GRB2: variants seen among roughly 807,000 people sequenced by gnomAD.
The protein encoded by GRB2 is growth factor receptor-bound protein 2.
A neutral mutation model predicts 27.4 loss-of-function variants in GRB2; 2 were observed. That is an observed-to-expected ratio of 0.07 (90% CI 0.03 to 0.23). The LOEUF (loss-of-function observed/expected upper bound fraction) is 0.23. Ranked by LOEUF, GRB2 falls within the 10% of genes least tolerant of loss-of-function variation. The pLI is 1.00. For synonymous variants in GRB2, 94 were observed against 99.6 expected (o/e 0.94, Z 0.33); for missense variants, 102 against 282.4 (o/e 0.36, Z 4.58).
intron 2 of GRB2, among the ~76,000 whole-genome samples, chr17:75,349,357 T>C (rs1172435367): frequency 6.6e-6 from 1 of 152,140 alleles, no homozygotes; most frequent in Non-Finnish European, 1.5e-5. Context: ...AACTACTGCC[T>C]AACAGATAAG....
chr17:75,382,818 C>T (rs1346208625), intron 2 of GRB2, among the ~76,000 whole-genome samples: 1 of 152,160 alleles, frequency 6.6e-6, no homozygotes, highest in African/African-American at 2.4e-5. Context: ...ACGCCATTCT[C>T]CTGCCTCAGC....
intron 2 of GRB2, among the ~76,000 whole-genome samples, chr17:75,374,584 T>C (rs963879442): frequency 2.6e-5 from 4 of 151,316 alleles, no homozygotes; most frequent in African/African-American, 9.7e-5. Context: ...ACTAGCCGAG[T>C]GTGGTGGCAC....
intron 1 of GRB2, among the ~76,000 whole-genome samples, chr17:75,403,570 G>A (rs1050611445): frequency 6.6e-6 from 1 of 152,044 alleles, no homozygotes. Context: ...TTCGAGACCA[G>A]CCTGGCCAAC....
At position 75,343,214 on chromosome 17, in the gene GRB2, G is replaced by A. The variant is rs1382780522; in HGVS notation, c.79-10417C>T. On this transcript the variant is annotated intron_variant, in intron 2 of 5. Coordinates refer to ENST00000316804, the MANE Select transcript of GRB2 (RefSeq NM_002086.5). ...TCCCTCTCAGGATGGAGCGCTTCCT[G>A]GCAATGTGATGTCTAATTCTGATTC... 2.0e-5 allele frequency among the ~76,000 whole-genome samples: 3 copies of A among 151,978 alleles called. No individual in the cohort carries two copies. The East Asian group carries it at 5.8e-4, about 29-fold the overall frequency.
At chr17:75,393,094 G>C (rs1041162987) in intron 2 of GRB2, among the ~76,000 whole-genome samples, 3 of 152,038 alleles carry the variant, frequency 2.0e-5, no homozygotes, top group Non-Finnish European at 2.9e-5. Flanking sequence ...CTCTAAACTG[G>C]GAAAATTAAT....
intron 2 of GRB2, among the ~76,000 whole-genome samples, chr17:75,338,051 TCTCGAGTAG>T (rs71159489): frequency 0.59 from 89,702 of 150,912 alleles, 31,984 homozygotes; most frequent in East Asian, 0.86. Context: ...TGCCTCAGCC[TCTCGAGTAG>T]CTGGGATTAC....
At chr17:75,354,264 T>TTGC (rs1555610715) in intron 2 of GRB2, among the ~76,000 whole-genome samples, 10 of 38,270 alleles carry the variant, frequency 2.6e-4, no homozygotes, top group African/African-American at 8.3e-4. Flanking sequence ...TCTTTTTTTT[T>TTGC]GGGGGGGGGG....
At chr17:75,367,343 T>A (rs899909343) in intron 2 of GRB2, among the ~76,000 whole-genome samples, 1 of 152,046 alleles carries the variant, frequency 6.6e-6, no homozygotes, top group South Asian at 2.1e-4. Flanking sequence ...GCTAATTTTT[T>A]AAAAAAACTT....
chr17:75,403,313 T>C (rs2079076190), intron 1 of GRB2, among the ~76,000 whole-genome samples: 1 of 151,990 alleles, frequency 6.6e-6, no homozygotes. Context: ...TCCATTCCTC[T>C]TCTGTTGTAT....
intron 2 of GRB2, among the ~76,000 whole-genome samples, chr17:75,339,646 CT>C (rs2078607224): frequency 7.3e-6 from 1 of 136,246 alleles, no homozygotes; most frequent in Admixed American, 7.7e-5. Context: ...TTTGAGACAG[CT>C]TCAGTTTTCA....
At chr17:75,372,166 G>A (rs2078860879) in intron 2 of GRB2, 1 of 152,158 alleles carries the variant, frequency 6.6e-6, no homozygotes, top group Non-Finnish European at 1.5e-5. Context: ...GAAAGCACTA[G>A]ACTCAAGAAC....
chr17:75,401,398 T>G lies in GRB2; in HGVS notation c.-138+4091A>C, dbSNP rs547314214. On this transcript the variant is annotated intron_variant, in intron 1 of 5. Coordinates refer to ENST00000316804, the MANE Select transcript of GRB2 (RefSeq NM_002086.5). ...AAGCGGAGCTTGCAGTGAGCCGAGA[T>G]TGCGCCACTGCAGTCCGCAGTCCGG... Among the ~76,000 whole-genome samples the G allele has an allele frequency of 7.8e-3, 1,111 of 141,768 alleles. 8 individuals carry two copies. The highest frequency in any genetic ancestry group is 0.027 in the African/African-American group (1,036 of 38,924). The allele number at this position is 141,768 out of a possible 152,430, so 93.0% of individuals were successfully genotyped here. A position where few individuals can be genotyped will look rare whatever the true frequency, so the allele number is the denominator to read the frequency against.
intron 2 of GRB2, among the ~76,000 whole-genome samples, chr17:75,381,455 C>T (rs927714955): frequency 3.9e-5 from 6 of 151,946 alleles, no homozygotes; most frequent in African/African-American, 1.2e-4. Flanking sequence ...CGGCTGGGTA[C>T]AGTGGCTCAT....
rs2078591711 is a variant in GRB2 at position 75,337,921 on chromosome 17, ATTATTAT to A, written c.79-5131_79-5125del. On this transcript the variant is annotated intron_variant, in intron 2 of 5. Transcript: ENST00000316804. ...TACTACTATTATTATTATTATTATT[ATTATTAT>A]TATTATTATTATTATTTATTGAGAC... is the stretch of plus-strand genomic sequence containing the variant. Among the ~76,000 whole-genome samples, 6 of 143,726 alleles carry A rather than the reference ATTATTAT, an allele frequency of 4.2e-5. No individual in the cohort carries two copies. In the East Asian group the frequency reaches 1.0e-3, roughly 24 times the overall value. 94.3% of individuals were successfully genotyped at this position (143,726 alleles called of 152,430 possible). A position where few individuals can be genotyped will look rare whatever the true frequency, so the allele number is the denominator to read the frequency against.
intron 2 of GRB2, among the ~76,000 whole-genome samples, chr17:75,335,420 A>G (rs917121489): frequency 7.9e-5 from 12 of 152,192 alleles, no homozygotes; most frequent in African/African-American, 2.7e-4. Context: ...CTGTACTCGT[A>G]GCCAATCAGA....
Position 75,324,507 on chromosome 17 carries a change from G to GTTTTTTTTTTTTT in GRB2, c.299+1378_299+1390dup, listed in dbSNP as rs767194304. Among the ~76,000 whole-genome samples the GTTTTTTTTTTTTT allele has an allele frequency of 5.5e-4, 20 of 36,692 alleles. 1 individual carries two copies. Among genetic ancestry groups the GTTTTTTTTTTTTT allele is most frequent in the East Asian group, 2.6e-3 (1 of 378 alleles). 24.1% of individuals were successfully genotyped at this position (36,692 alleles called of 152,430 possible). A position where few individuals can be genotyped will look rare whatever the true frequency, so the allele number is the denominator to read the frequency against. ...TTACAGGTGTGAGCCACCGCACCCA[G>GTTTTTTTTTTTTT]TTTTTTTTTTTTTTTTTTTTTTTTT... On this transcript the variant is annotated intron_variant, in intron 4 of 5. Coordinates refer to ENST00000316804, the MANE Select transcript of GRB2 (RefSeq NM_002086.5).
At position 75,319,835 on chromosome 17, in the gene GRB2, G is replaced by A. The variant is rs2078445798; in HGVS notation, c.*533C>T. 1 of 153,174 alleles carries A rather than the reference G, an allele frequency of 6.5e-6. No homozygotes were observed. Among genetic ancestry groups the A allele is most frequent in the Admixed American group, 6.5e-5 (1 of 15,396 alleles). The allele number at this position is 153,174 out of a possible 1,614,324, so 9.5% of individuals were successfully genotyped here. On this transcript the variant is annotated 3_prime_UTR_variant, in exon 6 of 6. Coordinates refer to ENST00000316804, the MANE Select transcript of GRB2 (RefSeq NM_002086.5). ...TGGACAAAATACACTGGGGGTCTGG[G>A]CTGGAAGGCAGATTCCTACAAGTCC... is the stretch of plus-strand genomic sequence containing the variant.
At chr17:75,392,987 T>C (rs1025563559) in intron 2 of GRB2, among the ~76,000 whole-genome samples, 1 of 152,194 alleles carries the variant, frequency 6.6e-6, no homozygotes, top group Non-Finnish European at 1.5e-5. Context: ...CAATAGCAGG[T>C]TGCACCTTAT....
intron 2 of GRB2, among the ~76,000 whole-genome samples, chr17:75,339,593 T>C (rs1450501349): frequency 6.6e-6 from 1 of 151,334 alleles, no homozygotes; most frequent in East Asian, 1.9e-4. Flanking sequence ...TGACCTATAA[T>C]GATATATACA....
Sources: gnomAD v4.1 joint callset for allele counts (sites outside exome capture counted in the v4.1 genomes callset) on GRCh38, gnomAD v4.1.1 for gene constraint, MANE v1.5 for transcripts, NCBI Gene and HGNC (gene_info 2026-07-23, HGNC 2026-07-21) for gene names.